The following CACNA1C variants were observed in gnomAD, a reference collection of about 807,000 sequenced individuals.
CACNA1C encodes the protein voltage-dependent L-type calcium channel subunit alpha-1C.
CACNA1C carries 30 observed loss-of-function variants against 229.0 expected under a neutral mutation model. That is an observed-to-expected ratio of 0.13 (90% confidence interval 0.10 to 0.18). The LOEUF is 0.18. Ranked by LOEUF, CACNA1C falls within the 10% of genes least tolerant of loss-of-function variation. CACNA1C has a pLI of 1.00. For missense variants in CACNA1C, 1,658 were observed against 2,845.0 expected (o/e 0.58, Z 9.49); for synonymous variants, 1,114 against 1,132.5 (o/e 0.98, Z 0.33).
At chr12:2,026,576 ATGCGTGGGAAGT>A (rs1353246854) in intron 1 of CACNA1C, among the ~76,000 whole-genome samples, 22 of 152,218 alleles carry the variant, frequency 1.4e-4, no homozygotes, top group African/African-American at 5.1e-4. Flanking sequence ...GAGTAATTGG[ATGCGTGGGAAGT>A]TGCAGATGCT....
rs550257012 is a variant in CACNA1C, at chr12:2,039,717, G to C, written c.139+68516G>C. 2.6e-5 allele frequency among the ~76,000 whole-genome samples: 4 copies of C among 152,282 alleles called. No individual in the cohort carries two copies. In the East Asian group the frequency reaches 7.7e-4, roughly 29 times the overall value. On this transcript the variant is annotated intron_variant, in intron 1 of 46. Transcript: ENST00000682462. ...CGGGACTCTTGAGCTGAGTCTTAAA[G>C]GATGAGTAGGAGTTTGCACACAGAT...
intron 30 of CACNA1C, among the ~76,000 whole-genome samples, chr12:2,640,383 G>A (rs971321714): frequency 1.3e-5 from 2 of 152,204 alleles, no homozygotes; most frequent in African/African-American, 4.8e-5. Context: ...GACTTGGGGC[G>A]GAGCTGCCTG....
intron 3 of CACNA1C, among the ~76,000 whole-genome samples, chr12:2,128,585 G>C (rs1473656594): frequency 1.3e-5 from 2 of 152,024 alleles, no homozygotes; most frequent in Admixed American, 1.3e-4. Flanking sequence ...TAATTTTTTT[G>C]TATTTTTAGT....
chr12:2,493,437 C>A lies in CACNA1C; in HGVS notation c.1113+51C>A. The A allele has an allele frequency of 7.1e-7, 1 of 1,412,992 alleles. No homozygotes were observed. Among genetic ancestry groups the A allele is most frequent in the Non-Finnish European group, 1.0e-6 (1 of 1,000,656 alleles). 87.5% of individuals were successfully genotyped at this position (1,412,992 alleles called of 1,614,324 possible). On this transcript the variant is annotated intron_variant, in intron 7 of 46. Transcript: ENST00000399655. The surrounding 1 kb of genome is among the most constrained non-coding windows in gnomAD (Gnocchi z 4.6). ...AGGGTGGGGGAACAGCGGCCGTGAACCCTTCCCTGACACCTCCCTTTCTCC... is the reference window on the plus strand; with the variant it reads ...AGGGTGGGGGAACAGCGGCCGTGAAACCTTCCCTGACACCTCCCTTTCTCC...
At chr12:2,026,931 G>A (rs1410734248) in intron 1 of CACNA1C, among the ~76,000 whole-genome samples, 1 of 152,148 alleles carries the variant, frequency 6.6e-6, no homozygotes, top group South Asian at 2.1e-4. Context: ...TGTTTTAAAA[G>A]AACTAAAACT....
upstream of CACNA1C, among the ~76,000 whole-genome samples, chr12:2,052,225 G>T (rs1489131297): frequency 6.6e-6 from 1 of 152,154 alleles, no homozygotes; most frequent in Non-Finnish European, 1.5e-5. Flanking sequence ...TGCCTCCAAG[G>T]AATTATTAAA....
intron 1 of CACNA1C, among the ~76,000 whole-genome samples, chr12:2,002,773 G>C (rs1481238900): frequency 6.6e-6 from 1 of 151,998 alleles, no homozygotes; most frequent in Non-Finnish European, 1.5e-5. Flanking sequence ...TATACCTTTA[G>C]CATTTTTCTA....
At chr12:2,522,463 C>T (rs1399743320) in intron 9 of CACNA1C, among the ~76,000 whole-genome samples, 2 of 152,138 alleles carry the variant, frequency 1.3e-5, no homozygotes, top group Non-Finnish European at 2.9e-5. Context: ...TCATGGTAGC[C>T]CCCAGAGAGT....
At position 2,666,559 on chromosome 12, in the gene CACNA1C, T is replaced by C. The variant is rs2096122587; in HGVS notation, c.4527-127T>C. 1.6e-6 allele frequency: 1 copy of C among 607,074 alleles called. No individual in the cohort carries two copies. The highest frequency in any genetic ancestry group is 2.8e-5 in the Admixed American group (1 of 35,150). The allele number at this position is 607,074 out of a possible 1,614,324, so 37.6% of individuals were successfully genotyped here. On this transcript the variant is annotated intron_variant, in intron 36 of 46. Transcript: ENST00000399655. The surrounding 1 kb of genome is among the most constrained non-coding windows in gnomAD (Gnocchi z 5.3). ...GCAACTCTGTACTGAGTGTGACTAA[T>C]AGGGCTACCACACTGTGCAGTGTTG...
intron 3 of CACNA1C, among the ~76,000 whole-genome samples, chr12:2,210,365 G>A (rs1312924692): frequency 6.6e-6 from 1 of 152,220 alleles, no homozygotes; most frequent in Non-Finnish European, 1.5e-5. Context: ...ATCTGTAACA[G>A]TGCATGCCAT....
At chr12:2,527,315 G>A (rs2099820084) in intron 9 of CACNA1C, among the ~76,000 whole-genome samples, 1 of 152,196 alleles carries the variant, frequency 6.6e-6, no homozygotes, top group South Asian at 2.1e-4. Context: ...CAACTGTGCT[G>A]GGACTTGTTT....
chr12:2,287,835 C>T lies in CACNA1C; in HGVS notation c.478-161141C>T, dbSNP rs147050859. Among the ~76,000 whole-genome samples, 1 of 152,136 alleles carries T rather than the reference C, an allele frequency of 6.6e-6. No individual in the cohort carries two copies. The highest frequency in any genetic ancestry group is 1.5e-5 in the Non-Finnish European group (1 of 68,026). On this transcript the variant is annotated intron_variant, in intron 3 of 46. Transcript: ENST00000399655. The surrounding 1 kb of genome is among the most constrained non-coding windows in gnomAD (Gnocchi z 4.6). ...CTCCCAGGTGACTCGCTGCTGCTGG[C>T]CTGGGACCACACTTTGGAAATCACG...
intron 3 of CACNA1C, among the ~76,000 whole-genome samples, chr12:2,320,156 A>G (rs1177666718): frequency 6.6e-6 from 1 of 152,138 alleles, no homozygotes; most frequent in African/African-American, 2.4e-5. Flanking sequence ...CCTGACTCCA[A>G]ATTGAGCATT....
intron 29 of CACNA1C, among the ~76,000 whole-genome samples, chr12:2,627,076 T>C (rs564197617): frequency 6.6e-6 from 1 of 152,174 alleles, no homozygotes; most frequent in Non-Finnish European, 1.5e-5. Context: ...CCGCCTGGGG[T>C]CCTCTCACGA....
At chr12:2,270,862 A>G (rs2084641815) in intron 3 of CACNA1C, among the ~76,000 whole-genome samples, 1 of 152,198 alleles carries the variant, frequency 6.6e-6, no homozygotes, top group African/African-American at 2.4e-5. Context: ...TGGCACAGAC[A>G]GCCATTCCCC....
At chr12:2,337,834 T>C (rs1371202356) in intron 3 of CACNA1C, among the ~76,000 whole-genome samples, 2 of 152,182 alleles carry the variant, frequency 1.3e-5, no homozygotes, top group African/African-American at 4.8e-5. Context: ...AACCAGGCAC[T>C]TTGCCCTTGG....
chr12:2,072,297 C>T (rs764661733), intron 1 of CACNA1C, among the ~76,000 whole-genome samples: 5 of 152,100 alleles, frequency 3.3e-5, no homozygotes, highest in Non-Finnish European at 7.3e-5. Flanking sequence ...GTTCCGGGTT[C>T]AAGCAGTTCT....
chr12:2,053,242 C>T lies in CACNA1C; in HGVS notation c.-321C>T. ...CTCTCCGCCTCTTCTCGCCCTGCCT[C>T]TCCCGATTTATTTTTTCAAATGGTG... On this transcript the variant is annotated 5_prime_UTR_variant, in exon 1 of 47. Coordinates refer to ENST00000399655, the MANE Select transcript of CACNA1C (RefSeq NM_000719.7). The surrounding 1 kb of genome is among the most constrained non-coding windows in gnomAD (Gnocchi z 5.8). 1 of 1,046,560 alleles carries T rather than the reference C, an allele frequency of 9.6e-7. No individual in the cohort carries two copies. The highest frequency in any genetic ancestry group is 1.1e-6 in the Non-Finnish European group (1 of 869,750). The allele number at this position is 1,046,560 out of a possible 1,614,324, so 64.8% of individuals were successfully genotyped here.
intron 1 of CACNA1C, among the ~76,000 whole-genome samples, chr12:2,099,918 GTTA>G (rs1011952850): frequency 1.3e-5 from 2 of 152,158 alleles, no homozygotes; most frequent in African/African-American, 4.8e-5. Flanking sequence ...GATAGGCAGT[GTTA>G]TTATCTGCTT....
Sources: allele counts gnomAD v4.1 joint callset (sites outside exome capture counted in the v4.1 genomes callset), GRCh38; gene constraint gnomAD v4.1.1; non-coding constraint Gnocchi (gnomAD v3.1); transcripts MANE v1.5; gene names NCBI Gene and HGNC (gene_info 2026-07-23, HGNC 2026-07-21).